The following DYSF variants were observed in gnomAD, a reference collection of about 807,000 sequenced individuals.
The protein encoded by DYSF is dysferlin.
DYSF carries 212 observed loss-of-function variants against 274.9 expected under a neutral mutation model. The observed-to-expected ratio is 0.77, with a 90% CI of 0.69 to 0.86. DYSF has a LOEUF of 0.86. Ranked by LOEUF, DYSF falls within the 40% of genes least tolerant of loss-of-function variation. The probability of loss-of-function intolerance (pLI) is 0.00; values close to 1 mark genes in which losing one functional copy is unlikely to be tolerated. For missense variants in DYSF, 2,666 were observed against 2,783.2 expected (o/e 0.96, Z 0.95); for synonymous variants, 1,091 against 1,078.7 (o/e 1.01, Z -0.22).
intron 40 of DYSF, among the ~76,000 whole-genome samples, chr2:71,617,705 G>C (rs1288363771): frequency 7.2e-6 from 1 of 138,350 alleles, no homozygotes; most frequent in Non-Finnish European, 1.6e-5. Flanking sequence ...TGCGTGTGTG[G>C]TAGAGGTGGG....
intron 17 of DYSF, among the ~76,000 whole-genome samples, chr2:71,541,409 T>C (rs2089915214): frequency 6.6e-6 from 1 of 152,206 alleles, no homozygotes; most frequent in South Asian, 2.1e-4. Context: ...GAGGTATAAT[T>C]TATTTACATA....
chr2:71,574,299 C>CCGCTGGCGCCGT lies in DYSF; in HGVS notation c.3334_3345dup (p.Trp1112_Arg1115dup), dbSNP rs1311880928. ...GCAAGACAGATGCCTTCCGCCGCCG[C>CCGCTGGCGCCGT]CGCTGGCGCCGTCGCATGGAGCCAC... is the stretch of plus-strand genomic sequence containing the variant. On this transcript the variant is annotated inframe_insertion, in exon 30 of 56. Transcript: ENST00000410020. The CCGCTGGCGCCGT allele has an allele frequency of 6.2e-7, 1 of 1,614,002 alleles. No homozygotes were observed. Among genetic ancestry groups the CCGCTGGCGCCGT allele is most frequent in the Non-Finnish European group, 8.5e-7 (1 of 1,180,012 alleles).
Position 71,515,705 on chromosome 2 carries a change from C to T in DYSF, c.842C>T (p.Thr281Ile). 1.2e-6 allele frequency: 2 copies of T among 1,614,080 alleles called. No homozygotes were observed. The change falls in exon 8 of 56, where the codon ACC (threonine) becomes ATC (isoleucine). Residue 281 changes from threonine (T) to isoleucine (I), a missense_variant. By Grantham distance (89) the Thr-to-Ile change is moderately conservative. Coordinates refer to ENST00000410020, the MANE Select transcript of DYSF (RefSeq NM_001130987.2). ...GTCAAGGTTACCGCTGCAGGGCAGA[C>T]CAAGCGGACGCGGATCCACAAGGGA... Reference protein sequence around the residue: ...PVVKVTAAGQTKRTRIHKGNS... With the variant: ...PVVKVTAAGQIKRTRIHKGNS...
At position 71,526,773 on chromosome 2, in the gene DYSF, C is replaced by T. The variant is rs533437054; in HGVS notation, c.1276+427C>T. ...GTTGGAAGGGTTTGCATGAAGGACT[C>T]CTGGGCCCCACTGTCTTCACAGATG... On this transcript the variant is annotated intron_variant, in intron 13 of 55. Transcript: ENST00000410020. 3.6e-4 allele frequency among the ~76,000 whole-genome samples: 55 copies of T among 152,352 alleles called. 2 individuals are homozygous for T. The South Asian group carries it at 0.011, about 31-fold the overall frequency.
intron 3 of DYSF, among the ~76,000 whole-genome samples, chr2:71,499,440 C>T (rs1409622274): frequency 6.6e-6 from 1 of 152,162 alleles, no homozygotes; most frequent in African/African-American, 2.4e-5. Flanking sequence ...TGTAATAAGA[C>T]CCAATGTTTT....
chr2:71,512,060 G>A (rs759471036), intron 5 of DYSF, 139 bp downstream of exon 5: 6 of 653,238 alleles, frequency 9.2e-6, no homozygotes, highest in Non-Finnish European at 1.4e-5. Context: ...GGCCTGGAAA[G>A]AAGAGGGTGC....
chr2:71,644,858 C>T (rs1037922884), intron 42 of DYSF, among the ~76,000 whole-genome samples: 1 of 152,198 alleles, frequency 6.6e-6, no homozygotes, highest in Non-Finnish European at 1.5e-5. Context: ...TTTTTAATAT[C>T]AGCATGCATC....
chr2:71,454,950 G>A (rs2080994217), intron 1 of DYSF, among the ~76,000 whole-genome samples: 1 of 152,132 alleles, frequency 6.6e-6, no homozygotes. Context: ...AAGAACTAGG[G>A]GGAAAGAGTG....
chr2:71,543,768 A>G (rs1420427883), intron 17 of DYSF, among the ~76,000 whole-genome samples: 2 of 152,230 alleles, frequency 1.3e-5, no homozygotes, highest in Non-Finnish European at 2.9e-5. Flanking sequence ...AGGCTGAGGC[A>G]GGAGAATCAG....
chr2:71,511,900 C>T lies in DYSF; in HGVS notation c.439C>T (p.Pro147Ser). 1 of 1,550,646 alleles carries T rather than the reference C, an allele frequency of 6.4e-7. No homozygotes were observed. Residue 147 changes from proline (P) to serine (S), a missense_variant, in exon 5 of 56, where the codon CCT (proline) becomes TCT (serine). By Grantham distance (74) the Pro-to-Ser change is moderately conservative (BLOSUM62 -1). Around this residue, in one of 3 missense-constraint regions of DYSF, gnomAD observed 794 missense variants for 777.1 expected, o/e 1.02. Coordinates refer to ENST00000410020, the MANE Select transcript of DYSF (RefSeq NM_001130987.2). ...TCCTCTGGAGCCCTCCCCGACTCTGCCTGACCTGGATGTAGTGGCAGGTGG... is the reference window on the plus strand; with the variant it reads ...TCCTCTGGAGCCCTCCCCGACTCTGTCTGACCTGGATGTAGTGGCAGGTGG... ...PTPLEPSPTL[P>S]DLDVVAGGGQ...
intron 41 of DYSF, among the ~76,000 whole-genome samples, chr2:71,636,565 C>T (rs1263614743): frequency 6.6e-6 from 1 of 152,088 alleles, no homozygotes; most frequent in Non-Finnish European, 1.5e-5. Flanking sequence ...GAGGAGCAGA[C>T]TGGGCAGGGA....
intron 41 of DYSF, among the ~76,000 whole-genome samples, chr2:71,635,748 CAA>C (rs753590151): frequency 5.7e-5 from 4 of 69,702 alleles, no homozygotes; most frequent in Non-Finnish European, 1.0e-4. Flanking sequence ...GACTCTGTCT[CAA>C]AAAAAAAAAA....
chr2:71,500,219 C>A (rs1226307425), intron 3 of DYSF, among the ~76,000 whole-genome samples: 1 of 152,124 alleles, frequency 6.6e-6, no homozygotes, highest in East Asian at 1.9e-4. Flanking sequence ...ACCCCTCTAG[C>A]CTCCCAGGGG....
chr2:71,632,461 G>A (rs1481795422), intron 41 of DYSF, among the ~76,000 whole-genome samples: 1 of 152,222 alleles, frequency 6.6e-6, no homozygotes, highest in Admixed American at 6.5e-5. Context: ...ATTTAGGAGA[G>A]CTAATATTAG....
At chr2:71,467,650 A>G (rs911020478) in intron 1 of DYSF, among the ~76,000 whole-genome samples, 24 of 152,212 alleles carry the variant, frequency 1.6e-4, no homozygotes, top group African/African-American at 5.5e-4. Context: ...CGGGTGTCTC[A>G]GGAGGGGAAA....
At chr2:71,586,246 A>G (rs923702848) in intron 30 of DYSF, among the ~76,000 whole-genome samples, 3 of 152,114 alleles carry the variant, frequency 2.0e-5, no homozygotes, top group Non-Finnish European at 4.4e-5. Context: ...TCAGGGTGGT[A>G]CAAAGAGGGA....
chr2:71,682,135 C>T lies in DYSF; in HGVS notation c.6174-395C>T, dbSNP rs113858711. On this transcript the variant is annotated intron_variant, in intron 54 of 55. Coordinates refer to ENST00000410020, the MANE Select transcript of DYSF (RefSeq NM_001130987.2). The stretch of plus-strand genomic sequence containing the variant: ...TAGCCATGTGCATCTGGGCAGGTGT[C>T]TTGGCTTATCTGGGGCTCGGTGGGC... Among the ~76,000 whole-genome samples, 4 of 152,210 alleles carry T rather than the reference C, an allele frequency of 2.6e-5. No homozygotes were observed. The East Asian group carries it at 5.8e-4, about 22-fold the overall frequency.
chr2:71,460,962 A>G (rs561166624), intron 1 of DYSF, among the ~76,000 whole-genome samples: 7 of 151,934 alleles, frequency 4.6e-5, no homozygotes, highest in Admixed American at 2.6e-4. Context: ...AAAGAAAAAG[A>G]AAAAGAAAAA....
intron 41 of DYSF, among the ~76,000 whole-genome samples, chr2:71,642,174 A>C (rs1218031299): frequency 6.6e-6 from 1 of 152,222 alleles, no homozygotes; most frequent in Non-Finnish European, 1.5e-5. Flanking sequence ...CCTGAGTTAT[A>C]AACTCAAACC....
Sources: allele counts gnomAD v4.1 joint callset (sites outside exome capture counted in the v4.1 genomes callset), GRCh38; gene constraint gnomAD v4.1.1; regional missense constraint gnomAD v4.1.1; transcripts MANE v1.5; gene names NCBI Gene and HGNC (gene_info 2026-07-23, HGNC 2026-07-21).